SLC17A3: variants seen among roughly 807,000 people sequenced by gnomAD.
The protein encoded by SLC17A3 is solute carrier family 17 member 3.
SLC17A3 carries 61 observed loss-of-function variants against 60.3 expected under a neutral mutation model. That is an observed-to-expected ratio of 1.01 (90% confidence interval 0.82 to 1.25). The LOEUF (loss-of-function observed/expected upper bound fraction) is 1.25. SLC17A3 is among the 50% of genes most tolerant of loss of function. The probability of loss-of-function intolerance (pLI) is 0.00; values close to 1 mark genes in which losing one functional copy is unlikely to be tolerated. For missense variants in SLC17A3, 624 were observed against 594.9 expected, an observed-to-expected ratio of 1.05 and a Z score of -0.51; for synonymous variants, 192 against 208.9, an observed-to-expected ratio of 0.92 and a Z score of 0.70.
chr6:25,860,579 T>A (rs903308889), intron 5 of SLC17A3, among the ~76,000 whole-genome samples: 5 of 151,990 alleles, frequency 3.3e-5, no homozygotes, highest in Non-Finnish European at 5.9e-5. Flanking sequence ...CTAAACTAGG[T>A]TTGGAGGCCA....
At chr6:25,870,215 G>A (rs1765619121) in intron 1 of SLC17A3, among the ~76,000 whole-genome samples, 1 of 151,876 alleles carries the variant, frequency 6.6e-6, no homozygotes, top group African/African-American at 2.4e-5. Flanking sequence ...TAATTCCATG[G>A]TGTGGCCAGT....
chr6:25,868,456 G>C (rs1765575994), intron 1 of SLC17A3, 36 bp from the exon 2 acceptor site: 7 of 1,280,746 alleles, frequency 5.5e-6, no homozygotes, highest in Non-Finnish European at 7.9e-6. Flanking sequence ...TGCATCAGTT[G>C]AGAGAAAGAG....
In SLC17A3 at chr6:25,855,166, C is replaced by T. The variant is rs1260744833; in HGVS notation, c.690G>A (p.Trp230Ter). 11 of 1,612,834 alleles carry T rather than the reference C, an allele frequency of 6.8e-6. No individual in the cohort carries two copies. The highest frequency in any genetic ancestry group is 9.3e-6 in the Non-Finnish European group (11 of 1,179,016). ...IGGFISETLG[W>*]PFVFYIFGGV... ...TACCAAAGATATAGAAGACAAAGGG[C>T]CACCCAAGGGTTTCACTAATGAAGC... The change falls in exon 6 of 13, where the codon TGG becomes TGA. Residue 230 changes from tryptophan (W) to a stop codon, truncating the protein, a stop_gained. Coordinates refer to ENST00000397060, the MANE Select transcript of SLC17A3 (RefSeq NM_001098486.2). LOFTEE classifies it high-confidence loss of function.
chr6:25,854,713 G>A (rs888454017), intron 6 of SLC17A3, among the ~76,000 whole-genome samples: 1 of 152,132 alleles, frequency 6.6e-6, no homozygotes, highest in Non-Finnish European at 1.5e-5. Flanking sequence ...TTGGTGTTTC[G>A]TGTTTTCTCC....
chr6:25,870,166 T>C (rs1473141953), intron 1 of SLC17A3, among the ~76,000 whole-genome samples: 1 of 151,974 alleles, frequency 6.6e-6, no homozygotes, highest in Non-Finnish European at 1.5e-5. Context: ...ATGATAAGTG[T>C]AGTATTAATG....
chr6:25,850,468 G>A lies in SLC17A3; in HGVS notation c.984C>T (p.Asn328=). 4 of 1,613,768 alleles carry A rather than the reference G, an allele frequency of 2.5e-6. No homozygotes were observed. Among genetic ancestry groups the A allele is most frequent in the Non-Finnish European group, 3.4e-6 (4 of 1,179,724 alleles). ...PTYISSVYHV[N]IRDNGLLSAL... Reference sequence around the variant, plus strand: ...AAGGAAACATACTCACGTCTCTGATGTTAACATGGTACACAGAGCTGATGT... The same window carrying A: ...AAGGAAACATACTCACGTCTCTGATATTAACATGGTACACAGAGCTGATGT... The change falls in exon 8 of 13, where the codon AAC becomes AAT. Residue 328 remains asparagine, a synonymous_variant. Transcript: ENST00000397060.
rs1342661101 is a variant in SLC17A3 at position 25,849,867 on chromosome 6, A to T, written c.1209T>A (p.Ser403=). 1 of 1,614,050 alleles carries T rather than the reference A, an allele frequency of 6.2e-7. No homozygotes were observed. The highest frequency in any genetic ancestry group is 8.5e-7 in the Non-Finnish European group (1 of 1,179,850). ...ACTGACACAATGTGCTTAATCCGCA[A>T]GAGAGCGTCAGCAAGGCAGTTGCTG... ...YITATALLTL[S]CGLSTLCQSG... Residue 403 remains serine, a synonymous_variant, in exon 10 of 13, where the codon TCT becomes TCA. Transcript: ENST00000397060.
At chr6:25,850,905 T>C (rs753907846) in intron 6 of SLC17A3, 28 bp from the exon 7 acceptor site, 145 of 1,565,668 alleles carry the variant, frequency 9.3e-5, no homozygotes, top group Non-Finnish European at 5.0e-5. Flanking sequence ...ATTTGGTAAA[T>C]GGGCTGTTTT....
chr6:25,854,206 T>G (rs1428906329), intron 6 of SLC17A3, among the ~76,000 whole-genome samples: 1 of 152,200 alleles, frequency 6.6e-6, no homozygotes, highest in Non-Finnish European at 1.5e-5. Flanking sequence ...TAATCTGTGT[T>G]CTTATTCTAT....
At chr6:25,871,391 A>C (rs967572726) in intron 1 of SLC17A3, among the ~76,000 whole-genome samples, 1 of 151,930 alleles carries the variant, frequency 6.6e-6, no homozygotes, top group South Asian at 2.1e-4. Context: ...TCGCAAGGAC[A>C]AAAAACCAAA....
chr6:25,861,781 T>C lies in SLC17A3; in HGVS notation c.537+15A>G. On this transcript the variant is annotated intron_variant, in intron 4 of 12. Coordinates refer to ENST00000397060, the MANE Select transcript of SLC17A3 (RefSeq NM_001098486.2). ...GAAATTCATATCCAACTCAGATTTA[T>C]AAAATATTGGGTACCTGGCTTAGGC... The C allele has an allele frequency of 6.2e-7, 1 of 1,612,154 alleles. No homozygotes were observed. Among genetic ancestry groups the C allele is most frequent in the Non-Finnish European group, 8.5e-7 (1 of 1,178,282 alleles).
chr6:25,871,711 C>T (rs1019857232), intron 1 of SLC17A3, among the ~76,000 whole-genome samples: 6 of 152,102 alleles, frequency 3.9e-5, no homozygotes, highest in Non-Finnish European at 8.8e-5. Context: ...CTTAGTTTCC[C>T]CTTCCTTAGA....
chr6:25,859,707 T>C (rs1765416037), intron 5 of SLC17A3, among the ~76,000 whole-genome samples: 1 of 152,216 alleles, frequency 6.6e-6, no homozygotes, highest in Non-Finnish European at 1.5e-5. Context: ...ACCTCAACTC[T>C]GGTTCTCAGA....
intron 2 of SLC17A3, among the ~76,000 whole-genome samples, chr6:25,862,735 C>T (rs1251219004): frequency 6.6e-6 from 1 of 151,202 alleles, no homozygotes; most frequent in African/African-American, 2.4e-5. Context: ...GATGAAATTA[C>T]TCACAAGTAA....
intron 1 of SLC17A3, 95 bp from the exon 2 acceptor site, chr6:25,868,515 G>A: frequency 1.2e-6 from 1 of 806,464 alleles, no homozygotes; most frequent in South Asian, 1.5e-5. Flanking sequence ...AAAAAAGCTG[G>A]CCCATTCCAT....
intron 2 of SLC17A3, among the ~76,000 whole-genome samples, chr6:25,866,660 T>C (rs1340884955): frequency 1.3e-5 from 2 of 151,934 alleles, no homozygotes; most frequent in Non-Finnish European, 2.9e-5. Context: ...TATTGAAAAA[T>C]ATTTGCATTA....
At chr6:25,871,035 T>C (rs1765632227) in intron 1 of SLC17A3, among the ~76,000 whole-genome samples, 1 of 152,084 alleles carries the variant, frequency 6.6e-6, no homozygotes, top group Non-Finnish European at 1.5e-5. Flanking sequence ...TTTTACACTG[T>C]TGGTGGGACT....
chr6:25,857,475 G>T (rs1185397844), intron 5 of SLC17A3, among the ~76,000 whole-genome samples: 1 of 150,538 alleles, frequency 6.6e-6, no homozygotes, highest in Non-Finnish European at 1.5e-5. Context: ...AAGTTTTTAC[G>T]GAGCCAGATC....
chr6:25,846,097 A>G (rs1020644147), intron 11 of SLC17A3, among the ~76,000 whole-genome samples: 2 of 152,228 alleles, frequency 1.3e-5, no homozygotes, highest in Non-Finnish European at 2.9e-5. Context: ...ATGATTATGC[A>G]AATGAAAATT....
Sources: allele counts gnomAD v4.1 joint callset (sites outside exome capture counted in the v4.1 genomes callset), GRCh38; gene constraint gnomAD v4.1.1; transcripts MANE v1.5; gene names NCBI Gene and HGNC (gene_info 2026-07-23, HGNC 2026-07-21).